OPN5: variants seen among roughly 807,000 people sequenced by gnomAD.
OPN5 encodes opsin 5, also known as opsin-5.
A neutral mutation model predicts 41.7 loss-of-function variants in OPN5; 18 were observed. That is an observed-to-expected ratio of 0.43 (90% CI 0.30 to 0.64). OPN5 has a LOEUF of 0.64. Ranked by LOEUF, OPN5 falls within the 30% of genes least tolerant of loss-of-function variation. OPN5 has a pLI of 0.13. For synonymous variants in OPN5, 178 were observed against 164.3 expected, an observed-to-expected ratio of 1.08 and a Z score of -0.64; for missense variants, 318 against 434.5, an observed-to-expected ratio of 0.73 and a Z score of 2.38.
At chr6:47,793,961 A>G (rs1406748294) in intron 3 of OPN5, among the ~76,000 whole-genome samples, 2 of 152,116 alleles carry the variant, frequency 1.3e-5, no homozygotes, top group Admixed American at 1.3e-4. Flanking sequence ...TTTGCATTTC[A>G]TGACACAAAA....
In OPN5 at chr6:47,810,032, G is replaced by A. The variant is rs148753681; in HGVS notation, c.998+1637G>A. Among the ~76,000 whole-genome samples the A allele has an allele frequency of 1.8e-3, 277 of 152,272 alleles. 2 individuals are homozygous for A. The highest frequency in any genetic ancestry group is 6.5e-3 in the African/African-American group (272 of 41,552). On this transcript the variant is annotated intron_variant, in intron 5 of 6. Transcript: ENST00000371211. The stretch of plus-strand genomic sequence containing the variant: ...CATAAATATTCAATACTCAACAATG[G>A]GAAGAGGGAAATTTATGTGGGAGAA...
chr6:47,785,122 GGT>G (rs1189849542), intron 1 of OPN5, among the ~76,000 whole-genome samples: 1 of 152,160 alleles, frequency 6.6e-6, no homozygotes, highest in Non-Finnish European at 1.5e-5. Context: ...ACAGATGAAA[GGT>G]GTTTCAATGA....
At chr6:47,822,022 G>C (rs986695197) in intron 6 of OPN5, among the ~76,000 whole-genome samples, 1 of 151,064 alleles carries the variant, frequency 6.6e-6, no homozygotes, top group African/African-American at 2.4e-5. Flanking sequence ...TGAGGCAGGA[G>C]AATCGCTTGA....
At chr6:47,788,917 T>TCAAAG (rs1773280815) in intron 2 of OPN5, among the ~76,000 whole-genome samples, 1 of 151,936 alleles carries the variant, frequency 6.6e-6, no homozygotes, top group African/African-American at 2.4e-5. Context: ...TGTTGATATT[T>TCAAAG]CAAAGCAAAG....
intron 1 of OPN5, among the ~76,000 whole-genome samples, chr6:47,784,830 A>G (rs1447055064): frequency 1.3e-5 from 2 of 152,222 alleles, no homozygotes; most frequent in African/African-American, 2.4e-5. Flanking sequence ...TTGTATCCAT[A>G]AATGATATAG....
chr6:47,806,846 T>C (rs916234063), intron 4 of OPN5, among the ~76,000 whole-genome samples: 9 of 152,132 alleles, frequency 5.9e-5, no homozygotes, highest in Non-Finnish European at 1.0e-4. Flanking sequence ...CTTGCCAAGG[T>C]GCACGTCCTC....
At chr6:47,798,717 A>G (rs534071284) in intron 4 of OPN5, among the ~76,000 whole-genome samples, 1 of 152,244 alleles carries the variant, frequency 6.6e-6, no homozygotes, top group East Asian at 1.9e-4. Context: ...CTGAGAAACA[A>G]ACATAACTAC....
chr6:47,794,717 G>C (rs1160610104), intron 3 of OPN5: 1 of 154,262 alleles, frequency 6.5e-6, no homozygotes, highest in Non-Finnish European at 1.4e-5. Flanking sequence ...CACAGTCAAG[G>C]ACTTTAATCT....
intron 1 of OPN5, among the ~76,000 whole-genome samples, chr6:47,783,130 C>T (rs1773123272): frequency 6.6e-6 from 1 of 151,762 alleles, no homozygotes; most frequent in South Asian, 2.1e-4. Flanking sequence ...ATATGTGGCT[C>T]GCATTTCTGG....
intron 1 of OPN5, among the ~76,000 whole-genome samples, chr6:47,783,569 T>C (rs1035894154): frequency 5.1e-4 from 77 of 152,224 alleles, no homozygotes; most frequent in Non-Finnish European, 7.3e-5. Context: ...AGTGATTCCC[T>C]GGGTCTTTGT....
At chr6:47,815,578 T>C (rs983542652) in intron 6 of OPN5, among the ~76,000 whole-genome samples, 3 of 152,132 alleles carry the variant, frequency 2.0e-5, no homozygotes, top group Non-Finnish European at 4.4e-5. Context: ...CAGTCTTTGG[T>C]TCAATAACTA....
intron 6 of OPN5, among the ~76,000 whole-genome samples, chr6:47,816,882 A>C (rs924656664): frequency 6.6e-6 from 1 of 152,164 alleles, no homozygotes; most frequent in African/African-American, 2.4e-5. Flanking sequence ...ATTAGAGGAA[A>C]TAGGTGATTA....
chr6:47,799,455 G>A (rs1478252533), intron 4 of OPN5, among the ~76,000 whole-genome samples: 3 of 152,090 alleles, frequency 2.0e-5, no homozygotes, highest in Non-Finnish European at 4.4e-5. Flanking sequence ...GGGACTCTTG[G>A]TCTGGGTGTT....
At chr6:47,784,924 G>T (rs1022346066) in intron 1 of OPN5, among the ~76,000 whole-genome samples, 1 of 151,972 alleles carries the variant, frequency 6.6e-6, no homozygotes, top group Non-Finnish European at 1.5e-5. Flanking sequence ...GAATAAATTT[G>T]CTTTTTCCTG....
intron 2 of OPN5, 134 bp downstream of exon 2, chr6:47,786,768 T>C (rs1581725750): frequency 1.3e-6 from 1 of 744,272 alleles, no homozygotes; most frequent in East Asian, 2.6e-5. Context: ...ACAAATCAAC[T>C]TTCAGAGTTT....
At chr6:47,792,046 T>C (rs1002467928) in intron 3 of OPN5, 74 bp downstream of exon 3, 5 of 1,021,510 alleles carry the variant, frequency 4.9e-6, no homozygotes, top group Admixed American at 2.2e-5. Flanking sequence ...ACATATTTTA[T>C]GCAGGTAATA....
chr6:47,807,354 G>A (rs1265711143), intron 4 of OPN5, among the ~76,000 whole-genome samples: 1 of 152,164 alleles, frequency 6.6e-6, no homozygotes, highest in Non-Finnish European at 1.5e-5. Context: ...AGAGTTTGTT[G>A]AATTGAAGTG....
intron 5 of OPN5, among the ~76,000 whole-genome samples, chr6:47,810,001 G>A (rs10485322): frequency 0.12 from 18,302 of 152,178 alleles, 1,270 homozygotes; most frequent in Non-Finnish European, 0.15. Context: ...ACAACTGTGA[G>A]CAGCCCATAA....
chr6:47,820,238 T>C (rs1005944579), intron 6 of OPN5, among the ~76,000 whole-genome samples: 2 of 152,206 alleles, frequency 1.3e-5, no homozygotes, highest in African/African-American at 4.8e-5. Flanking sequence ...AAGTCTGCTC[T>C]ACTTTTTTAC....
Sources: gnomAD v4.1 joint callset for allele counts (sites outside exome capture counted in the v4.1 genomes callset) on GRCh38, gnomAD v4.1.1 for gene constraint, MANE v1.5 for transcripts, NCBI Gene and HGNC (gene_info 2026-07-23, HGNC 2026-07-21) for gene names.